The following ERLIN2 variants were observed in gnomAD, a reference collection of about 807,000 sequenced individuals.
ERLIN2 encodes erlin-2.
In ERLIN2, 22 loss-of-function variants were observed where a neutral mutation model predicts 41.5. That is an observed-to-expected ratio of 0.53 (90% confidence interval 0.38 to 0.76). The LOEUF is 0.76. ERLIN2 is among the 30% of genes least tolerant of loss of function. The pLI, the probability that ERLIN2 is intolerant of heterozygous loss-of-function variation, is 0.00. For missense variants in ERLIN2, 247 were observed against 414.3 expected, an observed-to-expected ratio of 0.60 and a Z score of 3.51; for synonymous variants, 149 against 150.9, an observed-to-expected ratio of 0.99 and a Z score of 0.09.
In ERLIN2 at chr8:37,754,082, T is replaced by C. The variant is rs1174162101; in HGVS notation, c.987T>C (p.Asp329=). 7.4e-6 allele frequency: 12 copies of C among 1,614,156 alleles called. No individual in the cohort carries two copies. Among genetic ancestry groups the C allele is most frequent in the Non-Finnish European group, 8.5e-6 (10 of 1,180,004 alleles). The change falls in exon 12 of 12, where the codon GAT becomes GAC. Residue 329 remains aspartate, a synonymous_variant. Coordinates refer to ENST00000519638, the MANE Select transcript of ERLIN2 (RefSeq NM_007175.8). ...ACAAGCTAAGCTTTGGCTTAGAAGA[T>C]GAACCCTTGGAGACGGCCACTAAGG... The part of the protein sequence containing the change: ...LADKLSFGLE[D]EPLETATKEN
chr8:37,746,230 T>C lies in ERLIN2; in HGVS notation c.424+1534T>C, dbSNP rs955244240. 5.1e-6 allele frequency: 5 copies of C among 985,692 alleles called. No homozygotes were observed. The African/African-American group carries it at 8.7e-5, about 17-fold the overall frequency. 61.1% of individuals were successfully genotyped at this position (985,692 alleles called of 1,614,324 possible). ...TCAGAAGGTTCTTCTATACTTTCCT[T>C]CTCTCAGGACTCTTATAGCCCAGAC... On this transcript the variant is annotated intron_variant, in intron 6 of 11. Transcript: ENST00000519638.
Position 37,736,652 on chromosome 8 carries a change from G to A in ERLIN2, c.-42G>A. ...TTTTCTTGCTCGTGGGCTCGGACGA[G>A]TACGGAGCGCCTGCAGGGACAGCCT... On this transcript the variant is annotated 5_prime_UTR_variant, in exon 1 of 12. Coordinates refer to ENST00000519638, the MANE Select transcript of ERLIN2 (RefSeq NM_007175.8). 1.0e-6 allele frequency: 1 copy of A among 985,800 alleles called. No individual in the cohort carries two copies. Among genetic ancestry groups the A allele is most frequent in the Non-Finnish European group, 1.2e-6 (1 of 830,118 alleles). The allele number at this position is 985,800 out of a possible 1,614,324, so 61.1% of individuals were successfully genotyped here.
intron 6 of ERLIN2, chr8:37,745,796 GGATTCACT>G (rs1803025709): frequency 7.2e-7 from 1 of 1,395,310 alleles, no homozygotes; most frequent in Admixed American, 3.1e-5. Context: ...TATCTGTTTT[GGATTCACT>G]GTGCTTTTAA....
chr8:37,750,254 T>G (rs1043441592), intron 8 of ERLIN2, 141 bp from the exon 9 acceptor site: 10 of 709,106 alleles, frequency 1.4e-5, no homozygotes, highest in African/African-American at 5.3e-5. Flanking sequence ...AGATCAGCTT[T>G]TACCTGGGCC....
chr8:37,747,965 T>C (rs761730928), intron 6 of ERLIN2: 2 of 1,614,174 alleles, frequency 1.2e-6, no homozygotes, highest in Non-Finnish European at 1.7e-6. Context: ...CGGTCCCGAG[T>C]GTCAGAGCAG....
At chr8:37,749,924 A>G in intron 8 of ERLIN2, 72 bp downstream of exon 8, 1 of 1,313,216 alleles carries the variant, frequency 7.6e-7, no homozygotes, top group Non-Finnish European at 1.1e-6. Context: ...TCCCAGAGGT[A>G]ACCAAAGCTG....
chr8:37,747,999 C>T (rs568318654), intron 6 of ERLIN2: 3 of 1,613,986 alleles, frequency 1.9e-6, no homozygotes, highest in Admixed American at 3.3e-5. Context: ...ACACTACTTT[C>T]GGCATGGTTT....
Position 37,744,374 on chromosome 8 carries a change from T to G in ERLIN2, c.256T>G (p.Phe86Val). 6.2e-7 allele frequency: 1 copy of G among 1,614,144 alleles called. No individual in the cohort carries two copies. The highest frequency in any genetic ancestry group is 8.5e-7 in the Non-Finnish European group (1 of 1,179,978). ...CGTSGGVMIY[F>V]DRIEVVNFLV... ...CAATAGTGGTGGTGTGATGATCTAC[T>G]TTGACAGAATTGAAGTGGTGAACTT... Residue 86 changes from phenylalanine to valine, a missense_variant, in exon 5 of 12, where the codon TTT becomes GTT. Around this residue, in one of 3 missense-constraint regions of ERLIN2, gnomAD observed 93 missense variants for 139.0 expected, o/e 0.67. Coordinates refer to ENST00000519638, the MANE Select transcript of ERLIN2 (RefSeq NM_007175.8).
intron 6 of ERLIN2, chr8:37,747,615 G>A (rs1013418234): frequency 2.4e-5 from 38 of 1,611,592 alleles, no homozygotes; most frequent in Non-Finnish European, 2.6e-5. Context: ...GAGTATATAT[G>A]TTCGTTTTCC....
At chr8:37,747,733 T>C (rs1391330730) in intron 6 of ERLIN2, 1 of 1,592,826 alleles carries the variant, frequency 6.3e-7, no homozygotes, top group Admixed American at 1.7e-5. Flanking sequence ...TGCACATTTC[T>C]TTCTGTACTG....
chr8:37,751,776 T>C (rs1585916900), intron 10 of ERLIN2, 61 bp downstream of exon 10: 7 of 1,306,988 alleles, frequency 5.4e-6, no homozygotes, highest in Admixed American at 5.1e-5. Flanking sequence ...GGCCAGTGGG[T>C]TGGGGAGCCA....
intron 4 of ERLIN2, among the ~76,000 whole-genome samples, chr8:37,742,580 C>T (rs1253482756): frequency 6.6e-6 from 1 of 152,086 alleles, no homozygotes; most frequent in Non-Finnish European, 1.5e-5. Context: ...CACATGTTCT[C>T]ACTTATAAGT....
chr8:37,749,911 C>G lies in ERLIN2; in HGVS notation c.557+59C>G. The G allele has an allele frequency of 2.1e-6, 3 of 1,456,246 alleles. No individual in the cohort carries two copies. In the South Asian group the frequency reaches 3.4e-5, roughly 17 times the overall value. The allele number at this position is 1,456,246 out of a possible 1,614,324, so 90.2% of individuals were successfully genotyped here. The stretch of plus-strand genomic sequence containing the variant: ...ACTGCCTCCCACCTCCCACCTCGTC[C>G]CATCCCAGAGGTAACCAAAGCTGCC... On this transcript the variant is annotated intron_variant, in intron 8 of 11. Transcript: ENST00000519638.
At chr8:37,742,467 G>C (rs1211043422) in intron 4 of ERLIN2, among the ~76,000 whole-genome samples, 1 of 147,630 alleles carries the variant, frequency 6.8e-6, no homozygotes, top group Non-Finnish European at 1.5e-5. Context: ...GGAATACTAT[G>C]CAGCCATAAA....
At chr8:37,753,858 C>T (rs1038789469) in intron 11 of ERLIN2, 57 bp from the exon 12 acceptor site, 71 of 1,480,096 alleles carry the variant, frequency 4.8e-5, no homozygotes, top group Admixed American at 4.2e-4. Flanking sequence ...GCACCACTCC[C>T]CTCCTTCTCT....
At chr8:37,753,678 C>T in intron 11 of ERLIN2, 149 bp downstream of exon 11, 1 of 820,000 alleles carries the variant, frequency 1.2e-6, no homozygotes, top group Non-Finnish European at 2.1e-6. Flanking sequence ...AGGTACTTTC[C>T]TTCTCCTTGG....
At position 37,756,676 on chromosome 8, in the gene ERLIN2, C is replaced by T. The variant is rs1266439173; in HGVS notation, c.*2561C>T. 6.6e-6 allele frequency: 1 copy of T among 152,594 alleles called. No individual in the cohort carries two copies. Among genetic ancestry groups the T allele is most frequent in the South Asian group, 2.1e-4 (1 of 4,832 alleles). The allele number at this position is 152,594 out of a possible 1,614,324, so 9.5% of individuals were successfully genotyped here. ...TGTTTTATTTGCATAGGACAACTAA[C>T]CTGTCTGTGTAACTTTGTTTTTATT... On this transcript the variant is annotated 3_prime_UTR_variant, in exon 12 of 12. Coordinates refer to ENST00000519638, the MANE Select transcript of ERLIN2 (RefSeq NM_007175.8).
intron 1 of ERLIN2, 39 bp from the exon 2 acceptor site, chr8:37,737,869 A>G (rs1296748970): frequency 1.9e-6 from 3 of 1,612,608 alleles, no homozygotes; most frequent in Non-Finnish European, 2.5e-6. Flanking sequence ...TTTCTCCTGC[A>G]CGTTGGACCA....
chr8:37,738,574 AAAAAT>A (rs1802739082), intron 2 of ERLIN2, among the ~76,000 whole-genome samples: 2 of 152,294 alleles, frequency 1.3e-5, no homozygotes, highest in South Asian at 2.1e-4. Context: ...CTATCTCTAA[AAAAAT>A]AAAATAAAAA....
Sources: allele counts gnomAD v4.1 joint callset (sites outside exome capture counted in the v4.1 genomes callset), GRCh38; gene constraint gnomAD v4.1.1; regional missense constraint gnomAD v4.1.1; transcripts MANE v1.5; gene names NCBI Gene and HGNC (gene_info 2026-07-23, HGNC 2026-07-21).